SLC44A4: variants seen among roughly 807,000 people sequenced by gnomAD.
SLC44A4 encodes choline transporter-like protein 4.
SLC44A4 carries 74 observed loss-of-function variants against 97.0 expected under a neutral mutation model. The ratio of observed to expected loss-of-function variants is 0.76; its 90% CI spans 0.63 to 0.93. The LOEUF (loss-of-function observed/expected upper bound fraction) is 0.93. SLC44A4 is among the 40% of genes least tolerant of loss of function. SLC44A4 has a pLI of 0.00. For missense variants in SLC44A4, 799 were observed against 902.9 expected (o/e 0.88, Z 1.48); for synonymous variants, 325 against 363.8 (o/e 0.89, Z 1.21).
rs934028074 is a variant in SLC44A4, at chr6:31,874,256, C to A, written c.529+204G>T. ...TTGTTATCCCTGCCTCTGTCCCCAGCACCTGGCACATAGTAGGTCCCCAAA... is the reference window on the plus strand; with the variant it reads ...TTGTTATCCCTGCCTCTGTCCCCAGAACCTGGCACATAGTAGGTCCCCAAA... On this transcript the variant is annotated intron_variant, in intron 7 of 20. Coordinates refer to ENST00000229729, the MANE Select transcript of SLC44A4 (RefSeq NM_025257.3). The surrounding 1 kb of genome is among the most constrained non-coding windows in gnomAD (Gnocchi z 4.8). 6.6e-6 allele frequency among the ~76,000 whole-genome samples: 1 copy of A among 152,212 alleles called. No individual in the cohort carries two copies.
rs1763036393 is a variant in SLC44A4 at position 31,869,543 on chromosome 6, A to G, written c.1130+2T>C. ...GTGGCTGGCTGCGTGGGCAGAGGAT[A>G]CAGAGCAGTCATGGCCCAGTAGGCA... On this transcript the variant is annotated splice_donor_variant, in intron 12 of 20. Transcript: ENST00000229729. LOFTEE classifies it high-confidence loss of function. 3 of 1,598,332 alleles carry G rather than the reference A, an allele frequency of 1.9e-6. No individual in the cohort carries two copies. The South Asian group carries it at 3.4e-5, about 18-fold the overall frequency.
In SLC44A4 at chr6:31,871,339, C is replaced by T. The variant is rs777994294; in HGVS notation, c.676G>A (p.Ala226Thr). ...DISVKIFEDF[A>T]QSWYWILVAL... ...ACAAGAATCCAATACCAGGACTGGG[C>T]AAAATCTTCAAAGATCTTAACACTG... Residue 226 changes from alanine to threonine, a missense_variant, in exon 9 of 21, where the codon GCC (alanine) becomes ACC (threonine). By Grantham distance (58) the Ala-to-Thr change is moderately conservative. Coordinates refer to ENST00000229729, the MANE Select transcript of SLC44A4 (RefSeq NM_025257.3). The T allele has an allele frequency of 9.9e-6, 16 of 1,614,048 alleles. No individual in the cohort carries two copies. In the South Asian group the frequency reaches 1.6e-4, roughly 17 times the overall value.
At chr6:31,863,868 G>A in intron 20 of SLC44A4, 120 bp from the exon 21 acceptor site, 2 of 1,347,768 alleles carry the variant, frequency 1.5e-6, no homozygotes, top group Non-Finnish European at 2.0e-6. Context: ...CCCCGGGCAG[G>A]TTATGTAATC....
In SLC44A4 at chr6:31,878,982, GCTCAGTCTCC is replaced by G; in HGVS notation, c.-12_-3del. The G allele has an allele frequency of 6.2e-7, 1 of 1,613,312 alleles. No homozygotes were observed. Among genetic ancestry groups the G allele is most frequent in the Non-Finnish European group, 8.5e-7 (1 of 1,179,886 alleles). ...CTCGTCCCGCTGCTTTCCCCCCATG[GCTCAGTCTCC>G]GGAGTGATTGGAGCCCTGGAGACCT... On this transcript the variant is annotated 5_prime_UTR_variant, in exon 1 of 21. Transcript: ENST00000229729. The surrounding 1 kb of genome is among the most constrained non-coding windows in gnomAD (Gnocchi z 4.0).
Position 31,865,570 on chromosome 6 carries a change from C to A in SLC44A4, c.1614G>T (p.Met538Ile). The A allele has an allele frequency of 6.3e-7, 1 of 1,599,306 alleles. No homozygotes were observed. The highest frequency in any genetic ancestry group is 8.5e-7 in the Non-Finnish European group (1 of 1,169,926). ...ACCAGAGGCAGCACTTGAAACAGCA[C>A]ATGATGCAGCGGGCTACAGGGTTCT... ...GVQNPVARCI[M>I]CCFKCCLWCL... Residue 538 changes from methionine to isoleucine, a missense_variant, in exon 16 of 21, where the codon ATG becomes ATT. By Grantham distance (10) the Met-to-Ile change is conservative (BLOSUM62 1). Transcript: ENST00000229729. The surrounding 1 kb of genome is among the most constrained non-coding windows in gnomAD (Gnocchi z 5.2).
rs762796078 is a variant in SLC44A4 at position 31,876,014 on chromosome 6, T to C, written c.163+42A>G. The C allele has an allele frequency of 7.4e-6, 12 of 1,612,050 alleles. No individual in the cohort carries two copies. Among genetic ancestry groups the C allele is most frequent in the Non-Finnish European group, 1.0e-5 (12 of 1,178,258 alleles). On this transcript the variant is annotated intron_variant, in intron 3 of 20. Coordinates refer to ENST00000229729, the MANE Select transcript of SLC44A4 (RefSeq NM_025257.3). The surrounding 1 kb of genome is among the most constrained non-coding windows in gnomAD (Gnocchi z 4.8). ...GGAATGGTCCCTCCCTGGGTTCCTG[T>C]CCCTCACCCACTGCCCTGGCTCTGA...
chr6:31,869,338 T>C, intron 12 of SLC44A4, 81 bp from the exon 13 acceptor site: 1 of 1,162,102 alleles, frequency 8.6e-7, no homozygotes, highest in East Asian at 2.4e-5. Flanking sequence ...CCTAGGTGCT[T>C]GTGCAGATCG....
intron 20 of SLC44A4, 58 bp from the exon 21 acceptor site, chr6:31,863,806 G>C: frequency 6.2e-7 from 1 of 1,605,614 alleles, no homozygotes; most frequent in South Asian, 1.1e-5. Flanking sequence ...TCGGGGACTG[G>C]GAGGCAAGCT....
rs1224834923 is a variant in SLC44A4 at position 31,874,824 on chromosome 6, T to C, written c.365A>G (p.Glu122Gly). The C allele has an allele frequency of 6.2e-7, 1 of 1,613,212 alleles. No individual in the cohort carries two copies. Among genetic ancestry groups the C allele is most frequent in the Non-Finnish European group, 8.5e-7 (1 of 1,179,636 alleles). The part of the protein sequence containing the change: ...TPQVCVSSCP[E>G]DPWTVGKNEF... ...GTTTTTTCCCACAGTCCATGGGTCCTCCGGGCAGGAGGACACACACACCTG... is the reference window on the plus strand; with the variant it reads ...GTTTTTTCCCACAGTCCATGGGTCCCCCGGGCAGGAGGACACACACACCTG... The change falls in exon 6 of 21, where the codon GAG (glutamate) becomes GGG (glycine). Residue 122 changes from glutamate to glycine, a missense_variant. Physicochemically the swap from Glu to Gly is moderately conservative, Grantham distance 98. Transcript: ENST00000229729. This position sits in a 1 kb window ranked among gnomAD's most constrained non-coding sequence, Gnocchi z 4.8.
At position 31,876,822 on chromosome 6, in the gene SLC44A4, T is replaced by C. The variant is rs1763468512; in HGVS notation, c.89+212A>G. ...TTCTCTCGCTTGTGAAGCCGGCACTTAAGTCAAGAAACAGAACATCCCCCC... is the reference window on the plus strand; with the variant it reads ...TTCTCTCGCTTGTGAAGCCGGCACTCAAGTCAAGAAACAGAACATCCCCCC... On this transcript the variant is annotated intron_variant, in intron 2 of 20. Coordinates refer to ENST00000229729, the MANE Select transcript of SLC44A4 (RefSeq NM_025257.3). The surrounding 1 kb of genome is among the most constrained non-coding windows in gnomAD (Gnocchi z 4.8). 6.6e-6 allele frequency among the ~76,000 whole-genome samples: 1 copy of C among 152,136 alleles called. No individual in the cohort carries two copies. Among genetic ancestry groups the C allele is most frequent in the Non-Finnish European group, 1.5e-5 (1 of 68,004 alleles).
chr6:31,866,404 C>G (rs1359709801), intron 13 of SLC44A4, among the ~76,000 whole-genome samples: 1 of 152,190 alleles, frequency 6.6e-6, no homozygotes, highest in Non-Finnish European at 1.5e-5. Context: ...TCTGCAACGT[C>G]TACCAAAACC....
At position 31,870,963 on chromosome 6, in the gene SLC44A4, G is replaced by A. The variant is rs1276419056; in HGVS notation, c.786C>T (p.Ile262=). ...LVAGPLVLVL[I]LGVLGVLAYG... ...ATGCCAGCACGCCCAGCACTCCCAG[G>A]ATCAGCACCAGCACCAGGGGCCCAG... Residue 262 remains isoleucine (I), a synonymous_variant, in exon 10 of 21, where the codon ATC becomes ATT. Coordinates refer to ENST00000229729, the MANE Select transcript of SLC44A4 (RefSeq NM_025257.3). 1 of 1,613,012 alleles carries A rather than the reference G, an allele frequency of 6.2e-7. No homozygotes were observed. Among genetic ancestry groups the A allele is most frequent in the East Asian group, 2.2e-5 (1 of 44,882 alleles).
At chr6:31,873,719 C>G (rs564695142) in intron 7 of SLC44A4, among the ~76,000 whole-genome samples, 6 of 151,736 alleles carry the variant, frequency 4.0e-5, no homozygotes, top group Admixed American at 6.6e-5. Flanking sequence ...CACCCAGCCA[C>G]GTTCACTTAT....
intron 12 of SLC44A4, 46 bp from the exon 13 acceptor site, chr6:31,869,303 G>C: frequency 2.1e-6 from 3 of 1,446,402 alleles, no homozygotes; most frequent in Non-Finnish European, 2.9e-6. Flanking sequence ...GTCTCCACAG[G>C]TCACTCGCTC....
Position 31,869,179 on chromosome 6 carries a change from T to C in SLC44A4, c.1209A>G (p.Pro403=). 6.2e-7 allele frequency: 1 copy of C among 1,610,488 alleles called. No homozygotes were observed. The highest frequency in any genetic ancestry group is 8.5e-7 in the Non-Finnish European group (1 of 1,178,798). ...NISSPGCEKV[P]INTSCNPTAH... ...CCGTGGGGTTGCATGATGTATTTAT[T>C]GGCACTTTCTCACAGCCGGGGGAGC... is the stretch of plus-strand genomic sequence containing the variant. Residue 403 remains proline, a synonymous_variant, in exon 13 of 21, where the codon CCA becomes CCG. Transcript: ENST00000229729.
intron 20 of SLC44A4, 39 bp downstream of exon 20, chr6:31,864,613 C>T: frequency 1.3e-6 from 2 of 1,558,666 alleles, no homozygotes; most frequent in Non-Finnish European, 1.8e-6. Context: ...CGGCTCAGTA[C>T]TTTAAGGTTG....
chr6:31,864,603 C>T lies in SLC44A4; in HGVS notation c.2011+49G>A, dbSNP rs746841869. On this transcript the variant is annotated intron_variant, in intron 20 of 20. Coordinates refer to ENST00000229729, the MANE Select transcript of SLC44A4 (RefSeq NM_025257.3). The stretch of plus-strand genomic sequence containing the variant: ...CCAAAAAAAAAAAAAAATGCTTGAA[C>T]GGCTCAGTACTTTAAGGTTGGGGAC... 35 of 1,484,444 alleles carry T rather than the reference C, an allele frequency of 2.4e-5. No homozygotes were observed. The East Asian group carries it at 5.4e-4, about 23-fold the overall frequency. 92.0% of individuals were successfully genotyped at this position (1,484,444 alleles called of 1,614,324 possible).
At position 31,874,376 on chromosome 6, in the gene SLC44A4, A is replaced by C; in HGVS notation, c.529+84T>G. 20 of 1,374,168 alleles carry C rather than the reference A, an allele frequency of 1.5e-5. No individual in the cohort carries two copies. Among genetic ancestry groups the C allele is most frequent in the Non-Finnish European group, 1.9e-5 (18 of 969,274 alleles). 85.1% of individuals were successfully genotyped at this position (1,374,168 alleles called of 1,614,324 possible). ...TGCCACCAACAAGCTATGTGACTTC[A>C]CTCTCTCTGGGCCTGATTTCTTCAT... On this transcript the variant is annotated intron_variant, in intron 7 of 20. Transcript: ENST00000229729. This position sits in a 1 kb window ranked among gnomAD's most constrained non-coding sequence, Gnocchi z 4.8.
At position 31,877,696 on chromosome 6, in the gene SLC44A4, C is replaced by A; in HGVS notation, c.41-614G>T. On this transcript the variant is annotated intron_variant, in intron 1 of 20. Transcript: ENST00000229729. The surrounding 1 kb of genome is among the most constrained non-coding windows in gnomAD (Gnocchi z 6.5). ...TCCCCTGGCCACAGTGTGCTCCGGG[C>A]TCTGGGCCAGCAGTCAGAGTGACAC... 1.1e-6 allele frequency: 1 copy of A among 925,542 alleles called. No individual in the cohort carries two copies. Among genetic ancestry groups the A allele is most frequent in the Non-Finnish European group, 1.3e-6 (1 of 775,290 alleles). 57.3% of individuals were successfully genotyped at this position (925,542 alleles called of 1,614,324 possible). A position where few individuals can be genotyped will look rare whatever the true frequency, so the allele number is the denominator to read the frequency against.
Sources: gnomAD v4.1 joint callset for allele counts (sites outside exome capture counted in the v4.1 genomes callset) on GRCh38, gnomAD v4.1.1 for gene constraint, Gnocchi (gnomAD v3.1) non-coding constraint, MANE v1.5 for transcripts, NCBI Gene and HGNC (gene_info 2026-07-23, HGNC 2026-07-21) for gene names.